TMEM132B: variants seen among roughly 807,000 people sequenced by gnomAD.
TMEM132B encodes the protein transmembrane protein 132B.
TMEM132B carries 18 observed loss-of-function variants against 90.8 expected under a neutral mutation model. The observed-to-expected ratio is 0.20, with a 90% CI of 0.14 to 0.29. The LOEUF is 0.29. Among genes scored for constraint, TMEM132B ranks in the 10% least tolerant of loss-of-function variants. TMEM132B has a pLI of 1.00. For synonymous variants in TMEM132B, 504 were observed against 523.3 expected, an observed-to-expected ratio of 0.96 and a Z score of 0.50; for missense variants, 1,096 against 1,326.8, an observed-to-expected ratio of 0.83 and a Z score of 2.70.
At chr12:125,562,962 A>G (rs1399620671) in intron 4 of TMEM132B, among the ~76,000 whole-genome samples, 3 of 151,840 alleles carry the variant, frequency 2.0e-5, no homozygotes, top group African/African-American at 7.3e-5. Context: ...TCAATATTGC[A>G]TGTCTCTTCT....
At chr12:125,266,849 C>G (rs1874707871) in intron 1 of TMEM132B, among the ~76,000 whole-genome samples, 1 of 152,154 alleles carries the variant, frequency 6.6e-6, no homozygotes, top group Non-Finnish European at 1.5e-5. Context: ...TTCTGACTGC[C>G]TTGAAGTCAT....
At chr12:125,481,622 A>G (rs868604220) in intron 3 of TMEM132B, among the ~76,000 whole-genome samples, 2 of 152,218 alleles carry the variant, frequency 1.3e-5, no homozygotes, top group African/African-American at 4.8e-5. Flanking sequence ...CAAATGGAAG[A>G]ACATTCCATG....
intron 1 of TMEM132B, among the ~76,000 whole-genome samples, chr12:125,197,711 G>T (rs1872956721): frequency 6.6e-6 from 1 of 152,208 alleles, no homozygotes; most frequent in South Asian, 2.1e-4. Context: ...AGTAGGGAAT[G>T]CTCTGTGAAT....
At chr12:125,518,967 A>C (rs1883235966) in intron 3 of TMEM132B, among the ~76,000 whole-genome samples, 1 of 152,168 alleles carries the variant, frequency 6.6e-6, no homozygotes, top group Non-Finnish European at 1.5e-5. Context: ...GCAAATTCTA[A>C]AGCTTGGAGA....
At chr12:125,284,033 C>T (rs1040334606) in intron 1 of TMEM132B, among the ~76,000 whole-genome samples, 2 of 152,218 alleles carry the variant, frequency 1.3e-5, no homozygotes, top group Non-Finnish European at 2.9e-5. Context: ...AGTTCTACCC[C>T]AGGATGGCCA....
rs1887182646 is a variant in TMEM132B at position 125,660,429 on chromosome 12, A to G, written c.*5719A>G. 6.6e-6 allele frequency: 1 copy of G among 152,234 alleles called. No individual in the cohort carries two copies. Among genetic ancestry groups the G allele is most frequent in the Non-Finnish European group, 1.5e-5 (1 of 68,044 alleles). 9.4% of individuals were successfully genotyped at this position (152,234 alleles called of 1,614,324 possible). On this transcript the variant is annotated 3_prime_UTR_variant, in exon 9 of 9. Transcript: ENST00000682704. Reference sequence around the variant, plus strand: ...GTTTTGTGTGTGAGTGCAAAATGTAAACACGGCATTTGAAATTTTTTGGTA... The same window carrying G: ...GTTTTGTGTGTGAGTGCAAAATGTAGACACGGCATTTGAAATTTTTTGGTA...
chr12:125,237,823 A>G (rs1873970855), intron 1 of TMEM132B, among the ~76,000 whole-genome samples: 2 of 152,224 alleles, frequency 1.3e-5, no homozygotes, highest in South Asian at 4.1e-4. Flanking sequence ...ATTTGCAGGC[A>G]GTGGCATCCC....
intron 3 of TMEM132B, among the ~76,000 whole-genome samples, chr12:125,431,620 G>A (rs1023573237): frequency 9.2e-5 from 14 of 152,170 alleles, no homozygotes; most frequent in African/African-American, 3.4e-4. Flanking sequence ...CTACTGCTCT[G>A]GGCAGGAAAA....
intron 4 of TMEM132B, among the ~76,000 whole-genome samples, chr12:125,525,479 GTCCTCCC>G (rs2136676361): frequency 6.6e-6 from 1 of 152,314 alleles, no homozygotes; most frequent in East Asian, 1.9e-4. Flanking sequence ...ATGGTGTTTC[GTCCTCCC>G]TGGAAGACGC....
At chr12:125,326,808 A>G (rs1281287603) in intron 1 of TMEM132B, 1 of 854,780 alleles carries the variant, frequency 1.2e-6, no homozygotes, top group East Asian at 2.7e-5. Context: ...TTCTCCGTGC[A>G]CCCCTTCCTC....
At chr12:125,440,808 A>G (rs1164505112) in intron 3 of TMEM132B, among the ~76,000 whole-genome samples, 4 of 152,200 alleles carry the variant, frequency 2.6e-5, no homozygotes, top group African/African-American at 4.8e-5. Flanking sequence ...CTAAAAATAC[A>G]TATTTCAGGT....
chr12:125,245,610 T>C (rs1340928110), intron 1 of TMEM132B, among the ~76,000 whole-genome samples: 1 of 152,158 alleles, frequency 6.6e-6, no homozygotes, highest in Non-Finnish European at 1.5e-5. Flanking sequence ...GGAAACAGTG[T>C]CAGACCTAGC....
chr12:125,516,119 ACT>A (rs1731819177), intron 3 of TMEM132B, among the ~76,000 whole-genome samples: 1 of 151,158 alleles, frequency 6.6e-6, no homozygotes, highest in Non-Finnish European at 1.5e-5. Flanking sequence ...TCACACACAC[ACT>A]ATCGCAATCT....
At chr12:125,322,850 G>A (rs1358265267) in intron 1 of TMEM132B, among the ~76,000 whole-genome samples, 2 of 151,464 alleles carry the variant, frequency 1.3e-5, no homozygotes, top group East Asian at 3.9e-4. Flanking sequence ...GATATTTCAT[G>A]CATAGAAAAT....
intron 2 of TMEM132B, among the ~76,000 whole-genome samples, chr12:125,409,544 T>TG (rs1208044998): frequency 6.6e-6 from 1 of 150,718 alleles, no homozygotes; most frequent in African/African-American, 2.4e-5. Flanking sequence ...CCAAGTGGGG[T>TG]GCTTGGCTGT....
intron 1 of TMEM132B, among the ~76,000 whole-genome samples, chr12:125,283,448 G>A (rs924977661): frequency 2.0e-5 from 3 of 152,104 alleles, no homozygotes; most frequent in African/African-American, 7.2e-5. Context: ...CTGTGTACCC[G>A]ACTCTCGCTG....
chr12:125,419,751 A>G (rs1180543672), intron 3 of TMEM132B, among the ~76,000 whole-genome samples: 3 of 152,328 alleles, frequency 2.0e-5, no homozygotes, highest in East Asian at 3.9e-4. Flanking sequence ...TCAAAGTCCT[A>G]TCTGAGACAA....
chr12:125,258,964 T>C (rs1484974717), intron 1 of TMEM132B, among the ~76,000 whole-genome samples: 1 of 152,038 alleles, frequency 6.6e-6, no homozygotes, highest in Admixed American at 6.6e-5. Flanking sequence ...GTATCCTTAG[T>C]AGACATACGA....
At chr12:125,411,107 A>G (rs909582800) in intron 2 of TMEM132B, among the ~76,000 whole-genome samples, 1 of 16,620 alleles carries the variant, frequency 6.0e-5, no homozygotes, top group Admixed American at 5.0e-4. Context: ...GAGTGGAGTG[A>G]GTGGAGTGGA....
Sources: allele counts gnomAD v4.1 joint callset (sites outside exome capture counted in the v4.1 genomes callset), GRCh38; gene constraint gnomAD v4.1.1; transcripts MANE v1.5; gene names NCBI Gene and HGNC (gene_info 2026-07-23, HGNC 2026-07-21).